ARMC3: variants seen among roughly 807,000 people sequenced by gnomAD.
The protein encoded by ARMC3 is armadillo repeat containing 3, also known as armadillo repeat-containing protein 3.
In ARMC3, 74 loss-of-function variants were observed where a neutral mutation model predicts 90.3. The observed-to-expected ratio is 0.82, with a 90% confidence interval of 0.68 to 0.99. The LOEUF is 0.99. Ranked by LOEUF, ARMC3 falls within the 50% of genes least tolerant of loss-of-function variation. The probability of loss-of-function intolerance (pLI) is 0.00; values close to 1 mark genes in which losing one functional copy is unlikely to be tolerated. For missense variants in ARMC3, 958 were observed against 1,042.8 expected (o/e 0.92, Z 1.12); for synonymous variants, 334 against 361.8 (o/e 0.92, Z 0.87).
In ARMC3 at chr10:23,014,148, AGGATTGTT is replaced by A. The variant is rs1190576765; in HGVS notation, c.2045+5220_2045+5227del. On this transcript the variant is annotated intron_variant, in intron 16 of 18. Transcript: ENST00000298032. ...CCCTGAAGCACTCCTAGGATTTAAG[AGGATTGTT>A]GGCATGAGGAGAACACAGAGACTTT... 5 of 1,539,806 alleles carry A rather than the reference AGGATTGTT, an allele frequency of 3.2e-6. No homozygotes were observed. The African/African-American group carries it at 7.5e-5, about 23-fold the overall frequency.
intron 10 of ARMC3, among the ~76,000 whole-genome samples, chr10:22,997,777 C>T (rs532477187): frequency 9.9e-5 from 15 of 152,180 alleles, no homozygotes; most frequent in Non-Finnish European, 1.8e-4. Flanking sequence ...TGAAATCACA[C>T]AAGAGTTTCT....
At chr10:22,928,525 A>C (rs750392172) in intron 1 of ARMC3, among the ~76,000 whole-genome samples, 176 of 152,186 alleles carry the variant, frequency 1.2e-3, no homozygotes, top group Non-Finnish European at 2.0e-3. Flanking sequence ...GAAAAAAAAA[A>C]TGGCTCCAGT....
At position 22,929,861 on chromosome 10, in the gene ARMC3, A is replaced by T. The variant is rs569199535; in HGVS notation, c.-2+1755A>T. ...CCACCACGCCGGGCCATGATAAAAC[A>T]CATAGGCTTTTAACTTCATTCTTTA... On this transcript the variant is annotated intron_variant, in intron 1 of 18. Coordinates refer to ENST00000298032, the MANE Select transcript of ARMC3 (RefSeq NM_173081.5). 5.3e-5 allele frequency among the ~76,000 whole-genome samples: 8 copies of T among 152,296 alleles called. No individual in the cohort carries two copies. In the South Asian group the frequency reaches 1.0e-3, roughly 20 times the overall value.
chr10:22,980,069 A>G (rs1836115585), intron 8 of ARMC3, among the ~76,000 whole-genome samples: 1 of 152,180 alleles, frequency 6.6e-6, no homozygotes, highest in African/African-American at 2.4e-5. Flanking sequence ...TCATAACTTT[A>G]CAACGGAAAC....
intron 7 of ARMC3, among the ~76,000 whole-genome samples, chr10:22,964,064 T>C (rs1835343173): frequency 6.6e-6 from 1 of 151,930 alleles, no homozygotes; most frequent in African/African-American, 2.4e-5. Context: ...TAAATAGATC[T>C]ATCGAGGTCA....
Position 23,037,508 on chromosome 10 carries a change from A to C in ARMC3, c.*29A>C. 1 of 1,583,694 alleles carries C rather than the reference A, an allele frequency of 6.3e-7. No homozygotes were observed. The highest frequency in any genetic ancestry group is 1.1e-5 in the South Asian group (1 of 87,822). On this transcript the variant is annotated 3_prime_UTR_variant, in exon 19 of 19. Coordinates refer to ENST00000298032, the MANE Select transcript of ARMC3 (RefSeq NM_173081.5). Reference sequence around the variant, plus strand: ...ATCAGACGAACACAAGAGAGGCTCAAACAAGAAATTCACTGTGTACACTCT... The same window carrying C: ...ATCAGACGAACACAAGAGAGGCTCACACAAGAAATTCACTGTGTACACTCT...
In ARMC3 at chr10:23,022,460, A is replaced by G. The variant is rs548632157; in HGVS notation, c.2046-8136A>G. Among the ~76,000 whole-genome samples the G allele has an allele frequency of 3.9e-5, 6 of 152,324 alleles. No homozygotes were observed. In the South Asian group the frequency reaches 1.2e-3, roughly 32 times the overall value. On this transcript the variant is annotated intron_variant, in intron 16 of 18. Coordinates refer to ENST00000298032, the MANE Select transcript of ARMC3 (RefSeq NM_173081.5). ...AACAAAGGAGAACTCCAAAGGAGGC[A>G]AGAAGAAGGTGAACTGGCTGGGGAC...
Position 23,008,337 on chromosome 10 carries a change from T to C in ARMC3, c.1891T>C (p.Ser631Pro). The change falls in exon 15 of 19, where the codon TCA (serine) becomes CCA (proline). Residue 631 changes from serine to proline, a missense_variant. By Grantham distance (74) the Ser-to-Pro change is moderately conservative (BLOSUM62 -1). Coordinates refer to ENST00000298032, the MANE Select transcript of ARMC3 (RefSeq NM_173081.5). The part of the protein sequence containing the change: ...DVGYGRSISS[S>P]SSLRRSSKEK... ...TGGTTATGGACGAAGTATTTCTTCT[T>C]CATCTTCCTTAAGAAGATCAAGTAA... 1 of 1,549,410 alleles carries C rather than the reference T, an allele frequency of 6.5e-7. No homozygotes were observed. The highest frequency in any genetic ancestry group is 8.8e-7 in the Non-Finnish European group (1 of 1,134,946).
intron 13 of ARMC3, among the ~76,000 whole-genome samples, chr10:23,004,952 C>G (rs1402157684): frequency 6.6e-6 from 1 of 151,710 alleles, no homozygotes; most frequent in East Asian, 1.9e-4. Context: ...CGTGGTGGCT[C>G]ACGCCTGTAA....
chr10:23,002,031 C>A lies in ARMC3; in HGVS notation c.1538C>A (p.Thr513Lys), dbSNP rs1402359266. ...AVMVCAGDEL[T>K]ANELCRLGAL... ...ATGGTCTGTGCTGGTGACGAGCTGACGGCCAATGAATTATGCAGGCTCGGG... is the reference window on the plus strand; with the variant it reads ...ATGGTCTGTGCTGGTGACGAGCTGAAGGCCAATGAATTATGCAGGCTCGGG... The change falls in exon 12 of 19, where the codon ACG becomes AAG. Residue 513 changes from threonine (T) to lysine (K), a missense_variant. By Grantham distance (78) the Thr-to-Lys change is moderately conservative (BLOSUM62 -1). Transcript: ENST00000298032. 6.2e-7 allele frequency: 1 copy of A among 1,613,746 alleles called. No homozygotes were observed. The highest frequency in any genetic ancestry group is 8.5e-7 in the Non-Finnish European group (1 of 1,179,770).
Position 22,959,668 on chromosome 10 carries a change from G to C in ARMC3, c.537+94G>C, listed in dbSNP as rs560245057. ...GAAAAAAGCTTTTAAAAATGCACCAGTTTTGCATCATCAGATCTTCTTGTT... is the reference window on the plus strand; with the variant it reads ...GAAAAAAGCTTTTAAAAATGCACCACTTTTGCATCATCAGATCTTCTTGTT... On this transcript the variant is annotated intron_variant, in intron 6 of 18. Transcript: ENST00000298032. 21 of 1,241,100 alleles carry C rather than the reference G, an allele frequency of 1.7e-5. No homozygotes were observed. The African/African-American group carries it at 3.1e-4, about 18-fold the overall frequency. 76.9% of individuals were successfully genotyped at this position (1,241,100 alleles called of 1,614,324 possible).
At chr10:22,980,440 GTTTAA>G (rs1406504466) in intron 8 of ARMC3, among the ~76,000 whole-genome samples, 1 of 151,916 alleles carries the variant, frequency 6.6e-6, no homozygotes, top group Non-Finnish European at 1.5e-5. Flanking sequence ...CATCAAAACA[GTTTAA>G]TTTAATATAT....
chr10:22,993,635 C>G (rs1193215488), intron 10 of ARMC3, among the ~76,000 whole-genome samples: 1 of 152,244 alleles, frequency 6.6e-6, no homozygotes, highest in East Asian at 1.9e-4. Flanking sequence ...AAATAAGACT[C>G]AAATATTACC....
At chr10:22,928,271 G>C (rs1833792772) in intron 1 of ARMC3, among the ~76,000 whole-genome samples, 165 bp downstream of exon 1, 1 of 152,172 alleles carries the variant, frequency 6.6e-6, no homozygotes, top group Non-Finnish European at 1.5e-5. Flanking sequence ...ACGGGGCTTG[G>C]GGTGGGTTTC....
At chr10:23,019,062 T>C (rs977567991) in intron 16 of ARMC3, among the ~76,000 whole-genome samples, 36 of 152,132 alleles carry the variant, frequency 2.4e-4, no homozygotes, top group African/African-American at 8.7e-4. Flanking sequence ...CAGCTAGCAG[T>C]GGAAAGTAGA....
chr10:22,934,413 C>G (rs957070565), intron 2 of ARMC3, among the ~76,000 whole-genome samples: 1 of 152,180 alleles, frequency 6.6e-6, no homozygotes, highest in African/African-American at 2.4e-5. Flanking sequence ...GCTTGATCTA[C>G]CAATACAACT....
At chr10:23,030,867 G>A (rs1838901606) in intron 17 of ARMC3, 71 bp downstream of exon 17, 1 of 1,494,836 alleles carries the variant, frequency 6.7e-7, no homozygotes, top group South Asian at 1.3e-5. Flanking sequence ...TTTTAGCCAT[G>A]TTTTAGACAA....
chr10:23,008,486 A>G, intron 15 of ARMC3, 112 bp downstream of exon 15: 1 of 683,900 alleles, frequency 1.5e-6, no homozygotes, highest in Non-Finnish European at 2.5e-6. Flanking sequence ...TTCTTATGGT[A>G]ATACAATTGC....
At chr10:22,996,966 G>GA (rs1197970343) in intron 10 of ARMC3, among the ~76,000 whole-genome samples, 7 of 151,432 alleles carry the variant, frequency 4.6e-5, no homozygotes, top group East Asian at 3.9e-4. Flanking sequence ...AGTCCTAAAT[G>GA]AAAAAATGTG....
Sources: allele counts gnomAD v4.1 joint callset (sites outside exome capture counted in the v4.1 genomes callset), GRCh38; gene constraint gnomAD v4.1.1; transcripts MANE v1.5; gene names NCBI Gene and HGNC (gene_info 2026-07-23, HGNC 2026-07-21).